PARD3: variants seen among roughly 807,000 people sequenced by gnomAD.
The protein encoded by PARD3 is partitioning defective 3 homolog.
PARD3 carries 75 observed loss-of-function variants against 155.4 expected under a neutral mutation model. The ratio of observed to expected loss-of-function variants is 0.48; its 90% CI spans 0.40 to 0.58. The LOEUF (loss-of-function observed/expected upper bound fraction) is 0.58, where lower values mean the gene tolerates loss of function less well. PARD3 is among the 20% of genes least tolerant of loss of function. The probability of loss-of-function intolerance (pLI) is 0.00; values close to 1 mark genes in which losing one functional copy is unlikely to be tolerated. For missense variants in PARD3, 1,642 were observed against 1,721.7 expected, an observed-to-expected ratio of 0.95 and a Z score of 0.82; for synonymous variants, 576 against 610.5, an observed-to-expected ratio of 0.94 and a Z score of 0.83.
chr10:34,789,733 G>A (rs1342308604), intron 1 of PARD3, among the ~76,000 whole-genome samples: 1 of 134,392 alleles, frequency 7.4e-6, no homozygotes, highest in Admixed American at 7.4e-5. Flanking sequence ...ATAAGCATTT[G>A]TATTTATATA....
At chr10:34,221,397 T>G (rs1268094410) in intron 22 of PARD3, among the ~76,000 whole-genome samples, 2 of 151,748 alleles carry the variant, frequency 1.3e-5, no homozygotes, top group African/African-American at 4.8e-5. Flanking sequence ...CCTTTTTTTT[T>G]TTTTTTTTTG....
intron 1 of PARD3, among the ~76,000 whole-genome samples, chr10:34,718,885 C>T (rs114848813): frequency 0.015 from 2,274 of 152,190 alleles, 63 homozygotes; most frequent in African/African-American, 0.05. Context: ...ATTGTTTGAA[C>T]CCGGAAGGAG....
chr10:34,227,783 A>G (rs1377683412), intron 22 of PARD3, among the ~76,000 whole-genome samples: 1 of 148,464 alleles, frequency 6.7e-6, no homozygotes, highest in East Asian at 2.0e-4. Context: ...CAAAGAACTT[A>G]GAGCTACCAT....
intron 3 of PARD3, among the ~76,000 whole-genome samples, chr10:34,477,441 G>A (rs2078791497): frequency 6.6e-6 from 1 of 152,190 alleles, no homozygotes; most frequent in East Asian, 1.9e-4. Flanking sequence ...TGTTTGATGT[G>A]TACACTGCTT....
intron 20 of PARD3, among the ~76,000 whole-genome samples, chr10:34,296,379 TACCACCACA>T (rs960743323): frequency 3.3e-5 from 5 of 151,862 alleles, no homozygotes; most frequent in African/African-American, 1.2e-4. Context: ...TATAGGCACG[TACCACCACA>T]CCCAGTTAAT....
chr10:34,703,372 GACAC>G (rs1041659212), intron 1 of PARD3, among the ~76,000 whole-genome samples: 1 of 151,426 alleles, frequency 6.6e-6, no homozygotes, highest in Non-Finnish European at 1.5e-5. Context: ...CTGTGTGACA[GACAC>G]TCTGTCCAAA....
At position 34,561,742 on chromosome 10, in the gene PARD3, T is replaced by C. The variant is rs570117155; in HGVS notation, c.223-44583A>G. ...CACGTTGGTCAGGCTGGTCTCGAAC[T>C]CCCAATCTCAGGTGATCCGCCCACC... On this transcript the variant is annotated intron_variant, in intron 2 of 24. Coordinates refer to ENST00000374788, the MANE Select transcript of PARD3 (RefSeq NM_001184785.2). 3.1e-3 allele frequency among the ~76,000 whole-genome samples: 474 copies of C among 151,726 alleles called. 2 individuals are homozygous for C. The highest frequency in any genetic ancestry group is 0.011 in the African/African-American group (442 of 41,432).
intron 2 of PARD3, among the ~76,000 whole-genome samples, chr10:34,614,044 T>C (rs2091090573): frequency 6.6e-6 from 1 of 152,192 alleles, no homozygotes; most frequent in Admixed American, 6.5e-5. Context: ...TACTCATACA[T>C]ACATGTGTTT....
intron 9 of PARD3, among the ~76,000 whole-genome samples, chr10:34,381,179 A>T (rs1589374892): frequency 6.6e-6 from 1 of 152,324 alleles, no homozygotes; most frequent in African/African-American, 2.4e-5. Context: ...ACAACCTTGT[A>T]AATGCTACCC....
chr10:34,375,779 A>G (rs967354905), intron 10 of PARD3, among the ~76,000 whole-genome samples: 1 of 152,224 alleles, frequency 6.6e-6, no homozygotes, highest in African/African-American at 2.4e-5. Flanking sequence ...AAATAAGTTT[A>G]TAACTTAAAT....
chr10:34,463,354 AAGGGG>A lies in PARD3; in HGVS notation c.582+6726_582+6730del, dbSNP rs1192757656. On this transcript the variant is annotated intron_variant, in intron 4 of 24. Transcript: ENST00000374788. ...GAATGGGAATGGGAAGGGGAAGGGG[AAGGGG>A]AGGGGAGGGGAGGGGAGGGGAAGGG... is the stretch of plus-strand genomic sequence containing the variant. Among the ~76,000 whole-genome samples, 412 of 73,488 alleles carry A rather than the reference AAGGGG, an allele frequency of 5.6e-3. 2 individuals carry two copies. Among genetic ancestry groups the A allele is most frequent in the African/African-American group, 0.014 (251 of 17,560 alleles). 48.2% of individuals were successfully genotyped at this position (73,488 alleles called of 152,430 possible).
chr10:34,769,799 C>CAAAAAAAAAAAAAAAAAAAAAAAAA (rs372925164), intron 1 of PARD3, among the ~76,000 whole-genome samples: 3 of 66,640 alleles, frequency 4.5e-5, no homozygotes, highest in Non-Finnish European at 9.7e-5. Flanking sequence ...AACAAAAAAA[C>CAAAAAAAAAAAAAAAAAAAAAAAAA]AAAACAAAAA....
At chr10:34,289,357 T>G (rs1956561691) in intron 20 of PARD3, among the ~76,000 whole-genome samples, 1 of 152,038 alleles carries the variant, frequency 6.6e-6, no homozygotes, top group Admixed American at 6.6e-5. Context: ...ACCTGGCTAA[T>G]TTTTGCATTT....
At chr10:34,259,447 C>T (rs1369517460) in intron 22 of PARD3, among the ~76,000 whole-genome samples, 1 of 152,210 alleles carries the variant, frequency 6.6e-6, no homozygotes, top group Non-Finnish European at 1.5e-5. Flanking sequence ...GTCCCTTCCT[C>T]TGACTTCAGT....
chr10:34,367,347 T>C (rs78167495), intron 12 of PARD3, among the ~76,000 whole-genome samples: 6,131 of 152,336 alleles, frequency 0.04, 182 homozygotes, highest in Middle Eastern at 0.085. Flanking sequence ...GAACATTAAT[T>C]GGGACAACTG....
intron 3 of PARD3, among the ~76,000 whole-genome samples, chr10:34,480,675 A>AT (rs747967773): frequency 1.3e-5 from 2 of 152,202 alleles, no homozygotes; most frequent in African/African-American, 4.8e-5. Flanking sequence ...TGGCTAAGAT[A>AT]TATCAGTCAG....
chr10:34,216,782 C>T (rs984559856), intron 22 of PARD3, among the ~76,000 whole-genome samples: 4 of 152,202 alleles, frequency 2.6e-5, no homozygotes, highest in African/African-American at 9.7e-5. Context: ...CAAGGCATGT[C>T]TGACTTCCCT....
At position 34,121,065 on chromosome 10, in the gene PARD3, G is replaced by GAAA. The variant is rs34639631; in HGVS notation, c.3541-1328_3541-1326dup. Among the ~76,000 whole-genome samples, 150 of 124,924 alleles carry GAAA rather than the reference G, an allele frequency of 1.2e-3. 1 individual carries two copies. The highest frequency in any genetic ancestry group is 4.0e-3 in the African/African-American group (138 of 34,822). The allele number at this position is 124,924 out of a possible 152,430, so 82.0% of individuals were successfully genotyped here. A position where few individuals can be genotyped will look rare whatever the true frequency, so the allele number is the denominator to read the frequency against. Reference sequence around the variant, plus strand: ...GGTGCAAGACCCTGTCTCAAAAAAAGAAAAAAAAAAAAGGAAAAACGAAAA... The same window carrying GAAA: ...GGTGCAAGACCCTGTCTCAAAAAAAGAAAAAAAAAAAAAAAGGAAAAACGAAAA... On this transcript the variant is annotated intron_variant, in intron 23 of 24. Transcript: ENST00000374788.
intron 1 of PARD3, among the ~76,000 whole-genome samples, chr10:34,721,948 C>A (rs1328762348): frequency 2.0e-5 from 3 of 152,134 alleles, no homozygotes; most frequent in Admixed American, 6.5e-5. Context: ...GAGGCCAAAC[C>A]AGGCAGATCG....
Sources: allele counts gnomAD v4.1 joint callset (sites outside exome capture counted in the v4.1 genomes callset), GRCh38; gene constraint gnomAD v4.1.1; transcripts MANE v1.5; gene names NCBI Gene and HGNC (gene_info 2026-07-23, HGNC 2026-07-21).